RNF166: variants seen among roughly 807,000 people sequenced by gnomAD.
RNF166 encodes ring finger protein 166.
A neutral mutation model predicts 29.4 loss-of-function variants in RNF166; 19 were observed. The ratio of observed to expected loss-of-function variants is 0.65; its 90% CI spans 0.45 to 0.95. The LOEUF is 0.95. Among genes scored for constraint, RNF166 ranks in the 40% least tolerant of loss-of-function variants. RNF166 has a pLI of 0.00. For synonymous variants in RNF166, 171 were observed against 134.5 expected (o/e 1.27, Z -1.88); for missense variants, 347 against 322.1 (o/e 1.08, Z -0.59).
chr16:88,699,801 A>G, intron 2 of RNF166, 69 bp from the exon 3 acceptor site: 3 of 1,117,826 alleles, frequency 2.7e-6, no homozygotes, highest in Non-Finnish European at 2.6e-6. Context: ...GGAGGCCGAG[A>G]CCTCAGGTGT....
At chr16:88,700,664 G>A (rs1910125292) in intron 2 of RNF166, 2 of 987,018 alleles carry the variant, frequency 2.0e-6, no homozygotes, top group Middle Eastern at 5.2e-4. Flanking sequence ...ACGGGGCGCT[G>A]GCTGGGGCCT....
intron 1 of RNF166, chr16:88,702,907 T>G: frequency 2.0e-6 from 2 of 985,498 alleles, no homozygotes; most frequent in Non-Finnish European, 2.4e-6. Context: ...ATGGTCCACC[T>G]GGGGAGGCCT....
rs1910199844 is a variant in RNF166 at position 88,701,283 on chromosome 16, G to A, written c.291C>T (p.Pro97=). 1 of 1,613,778 alleles carries A rather than the reference G, an allele frequency of 6.2e-7. No individual in the cohort carries two copies. Among genetic ancestry groups the A allele is most frequent in the Admixed American group, 1.7e-5 (1 of 60,026 alleles). Residue 97 remains proline (P), a synonymous_variant, in exon 2 of 6, where the codon CCC becomes CCT. Coordinates refer to ENST00000312838, the MANE Select transcript of RNF166 (RefSeq NM_178841.4). ...GTACCTTTTTGTTGCAGCCTCGACA[G>A]GGCGCTTTGTAGGATGAGAGCTGCT... ...VEKQLSSYKA[P]CRGCNKKVTL...
At chr16:88,701,115 G>A (rs909607978) in intron 2 of RNF166, 147 bp downstream of exon 2, 43 of 1,256,858 alleles carry the variant, frequency 3.4e-5, no homozygotes, top group East Asian at 7.5e-5. Context: ...GGGAGGCGCC[G>A]GGGCTGGCTT....
intron 1 of RNF166, among the ~76,000 whole-genome samples, chr16:88,705,892 C>T (rs1408246283): frequency 1.3e-5 from 2 of 152,114 alleles, no homozygotes; most frequent in Admixed American, 1.3e-4. Context: ...CCGGGGACCC[C>T]GAGCTTGGGC....
At chr16:88,701,136 G>A (rs1165860268) in intron 2 of RNF166, 126 bp downstream of exon 2, 9 of 1,327,590 alleles carry the variant, frequency 6.8e-6, no homozygotes, top group African/African-American at 2.9e-5. Flanking sequence ...CCTGGTGCAG[G>A]AGCAGAGACC....
intron 4 of RNF166, 122 bp from the exon 5 acceptor site, chr16:88,698,731 C>T (rs1418717986): frequency 5.4e-6 from 4 of 743,546 alleles, no homozygotes; most frequent in Middle Eastern, 4.0e-4. Context: ...GCACCCCAGA[C>T]CTGGAGGCGC....
chr16:88,698,026 C>T (rs1909805769), intron 5 of RNF166: 2 of 508,734 alleles, frequency 3.9e-6, no homozygotes, highest in East Asian at 6.9e-5. Flanking sequence ...TTAGCCAGGG[C>T]CAGGAATGAA....
In RNF166 at chr16:88,698,616, C is replaced by T. The variant is rs113523628; in HGVS notation, c.541-7G>A. 3.3e-6 allele frequency: 5 copies of T among 1,511,534 alleles called. No homozygotes were observed. The highest frequency in any genetic ancestry group is 2.7e-6 in the Non-Finnish European group (3 of 1,124,010). The allele number at this position is 1,511,534 out of a possible 1,614,324, so 93.6% of individuals were successfully genotyped here. A position where few individuals can be genotyped will look rare whatever the true frequency, so the allele number is the denominator to read the frequency against. Reference sequence around the variant, plus strand: ...CCGAGCAGATGGGGCACACCTGGAACAGGCACTGGGGTCAAGCCGAGCCGG... The same window carrying T: ...CCGAGCAGATGGGGCACACCTGGAATAGGCACTGGGGTCAAGCCGAGCCGG... On this transcript the variant is annotated splice_polypyrimidine_tract_variant and splice_region_variant and intron_variant, in intron 4 of 5. Transcript: ENST00000312838.
intron 3 of RNF166, among the ~76,000 whole-genome samples, chr16:88,699,364 C>T (rs753987421): frequency 6.6e-5 from 10 of 152,230 alleles, no homozygotes; most frequent in South Asian, 2.1e-4. Flanking sequence ...TGCTGGGAGG[C>T]GATGTGTGGG....
chr16:88,701,415 G>A lies in RNF166; in HGVS notation c.159C>T (p.Phe53=). 6.3e-7 allele frequency: 1 copy of A among 1,590,424 alleles called. No individual in the cohort carries two copies. Among genetic ancestry groups the A allele is most frequent in the African/African-American group, 1.3e-5 (1 of 74,798 alleles). ...GGCAGGGCTGGAGACACTCCCCGCAGAACCTGCAGGGCACAGGGGCCTGAG... is the reference window on the plus strand; with the variant it reads ...GGCAGGGCTGGAGACACTCCCCGCAAAACCTGCAGGGCACAGGGGCCTGAG... The part of the protein sequence containing the change: ...PVAIGSCGHT[F]CGECLQPCLQ... Residue 53 remains phenylalanine, a synonymous_variant, in exon 2 of 6, where the codon TTC becomes TTT. Transcript: ENST00000312838.
intron 5 of RNF166, chr16:88,698,142 G>A (rs1909819305): frequency 5.1e-6 from 3 of 593,458 alleles, no homozygotes; most frequent in Non-Finnish European, 9.0e-6. Flanking sequence ...GGGAAAAGGA[G>A]ACAGGGCTGG....
Position 88,699,620 on chromosome 16 carries a change from C to G in RNF166, c.425G>C (p.Ser142Thr). 6.2e-7 allele frequency: 1 copy of G among 1,611,232 alleles called. No homozygotes were observed. The highest frequency in any genetic ancestry group is 8.5e-7 in the Non-Finnish European group (1 of 1,178,288). ...CTCCCTTGCCCGGCAGCGTGCCTAC[C>G]TGGGGATAGGCTGTGATGTGGGCAC... ...PVVPTSQPIP[S>T]NIPNRSTFAC... Residue 142 changes from serine to threonine, a missense_variant and splice_region_variant, in exon 3 of 6, where the codon AGC (serine) becomes ACC (threonine). Coordinates refer to ENST00000312838, the MANE Select transcript of RNF166 (RefSeq NM_178841.4).
chr16:88,699,135 C>G (rs375210021), intron 3 of RNF166, 50 bp from the exon 4 acceptor site: 36 of 1,258,108 alleles, frequency 2.9e-5, no homozygotes, highest in African/African-American at 2.4e-4. Context: ...TCTAGGGGCT[C>G]TGCCTCCCCG....
chr16:88,697,308 T>C lies in RNF166; in HGVS notation c.*260A>G. The C allele has an allele frequency of 7.7e-6, 3 of 389,374 alleles. No individual in the cohort carries two copies. The highest frequency in any genetic ancestry group is 1.4e-5 in the Non-Finnish European group (3 of 212,046). The allele number at this position is 389,374 out of a possible 1,614,324, so 24.1% of individuals were successfully genotyped here. On this transcript the variant is annotated 3_prime_UTR_variant, in exon 6 of 6. Transcript: ENST00000312838. Reference sequence around the variant, plus strand: ...AGCTCCAGGTCCCAGCGTCCAGCCCTGCCCAAGTAGGCCGCCTGCTCGGCC... The same window carrying C: ...AGCTCCAGGTCCCAGCGTCCAGCCCCGCCCAAGTAGGCCGCCTGCTCGGCC...
At position 88,706,375 on chromosome 16, in the gene RNF166, G is replaced by T; in HGVS notation, c.-50C>A. The T allele has an allele frequency of 8.2e-7, 1 of 1,215,270 alleles. No individual in the cohort carries two copies. The highest frequency in any genetic ancestry group is 1.0e-6 in the Non-Finnish European group (1 of 974,398). 75.3% of individuals were successfully genotyped at this position (1,215,270 alleles called of 1,614,324 possible). A position where few individuals can be genotyped will look rare whatever the true frequency, so the allele number is the denominator to read the frequency against. On this transcript the variant is annotated 5_prime_UTR_variant, in exon 1 of 6. Coordinates refer to ENST00000312838, the MANE Select transcript of RNF166 (RefSeq NM_178841.4). ...GCCGCCCGCTGTCCTGGCCCGGGCC[G>T]GCCCGCTAGTCACAGCCGCTACTGC... is the stretch of plus-strand genomic sequence containing the variant.
intron 2 of RNF166, chr16:88,700,568 C>T: frequency 1.0e-6 from 1 of 983,288 alleles, no homozygotes; most frequent in South Asian, 4.7e-5. Flanking sequence ...CTTCATAGAA[C>T]TTATTCACCT....
intron 5 of RNF166, 49 bp from the exon 6 acceptor site, chr16:88,697,682 A>G: frequency 7.2e-7 from 1 of 1,388,804 alleles, no homozygotes; most frequent in African/African-American, 1.4e-5. Flanking sequence ...GACAGGAAGG[A>G]GAGGTCCCCT....
chr16:88,699,222 C>CT, intron 3 of RNF166, 137 bp from the exon 4 acceptor site: 1 of 696,922 alleles, frequency 1.4e-6, no homozygotes, highest in East Asian at 2.7e-5. Flanking sequence ...GGGTGCCCCC[C>CT]GTGCCTCTGC....
Sources: allele counts gnomAD v4.1 joint callset (sites outside exome capture counted in the v4.1 genomes callset), GRCh38; gene constraint gnomAD v4.1.1; transcripts MANE v1.5; gene names NCBI Gene and HGNC (gene_info 2026-07-23, HGNC 2026-07-21).